The following NRG3 variants were observed in gnomAD, a reference collection of about 807,000 sequenced individuals.
NRG3 encodes the protein pro-neuregulin-3, membrane-bound isoform.
NRG3 carries 31 observed loss-of-function variants against 66.9 expected under a neutral mutation model. The ratio of observed to expected loss-of-function variants is 0.46; its 90% CI spans 0.35 to 0.63. The LOEUF is 0.63. Ranked by LOEUF, NRG3 falls within the 20% of genes least tolerant of loss-of-function variation. The pLI is 0.00. For synonymous variants in NRG3, 393 were observed against 359.4 expected, an observed-to-expected ratio of 1.09 and a Z score of -1.06; for missense variants, 910 against 878.9, an observed-to-expected ratio of 1.04 and a Z score of -0.45.
chr10:82,405,454 G>C, intron 2 of NRG3, among the ~76,000 whole-genome samples: 1 of 139,956 alleles, frequency 7.1e-6, no homozygotes, highest in South Asian at 2.1e-4. Flanking sequence ...GATCTCAGTA[G>C]TTTGTTTTTT....
chr10:82,392,893 TA>T (rs2086474965), intron 2 of NRG3, among the ~76,000 whole-genome samples: 1 of 108,578 alleles, frequency 9.2e-6, no homozygotes, highest in African/African-American at 6.1e-5. Flanking sequence ...TATATATATA[TA>T]TATATTTTTT....
At chr10:82,153,883 G>A (rs1157387436) in intron 1 of NRG3, among the ~76,000 whole-genome samples, 2 of 151,334 alleles carry the variant, frequency 1.3e-5, no homozygotes, top group Non-Finnish European at 3.0e-5. Context: ...TATCTATTCA[G>A]GATCTTTATT....
chr10:82,442,057 G>T (rs1590145461), intron 2 of NRG3, among the ~76,000 whole-genome samples: 1 of 152,184 alleles, frequency 6.6e-6, no homozygotes, highest in East Asian at 1.9e-4. Context: ...ATGATGCCTT[G>T]TTGTTAGAGT....
intron 3 of NRG3, among the ~76,000 whole-genome samples, chr10:82,856,023 CT>C (rs1190283248): frequency 2.0e-5 from 3 of 151,962 alleles, no homozygotes; most frequent in Non-Finnish European, 4.4e-5. Context: ...TTGGAATGTA[CT>C]TTGATTTGGG....
At chr10:81,908,877 AGAT>A (rs1415818367) in intron 1 of NRG3, among the ~76,000 whole-genome samples, 1 of 152,188 alleles carries the variant, frequency 6.6e-6, no homozygotes, top group African/African-American at 2.4e-5. Flanking sequence ...TTACCAGTAA[AGAT>A]GATGATGAGA....
intron 1 of NRG3, among the ~76,000 whole-genome samples, chr10:82,312,116 T>G (rs1225269586): frequency 1.3e-5 from 2 of 152,138 alleles, no homozygotes; most frequent in Non-Finnish European, 2.9e-5. Context: ...TCTTTTAGAG[T>G]GATTTTCTTC....
At chr10:82,652,010 C>A (rs2051454711) in intron 2 of NRG3, among the ~76,000 whole-genome samples, 1 of 152,174 alleles carries the variant, frequency 6.6e-6, no homozygotes, top group Non-Finnish European at 1.5e-5. Flanking sequence ...GAGGCAGGAA[C>A]TGGAGTGCAG....
chr10:82,006,619 G>A (rs1199038863), intron 1 of NRG3, among the ~76,000 whole-genome samples: 2 of 151,810 alleles, frequency 1.3e-5, no homozygotes, highest in Non-Finnish European at 2.9e-5. Context: ...GTTTTTGTTT[G>A]TAGATAAGGA....
At chr10:82,251,961 C>T (rs530039762) in intron 1 of NRG3, among the ~76,000 whole-genome samples, 2 of 152,184 alleles carry the variant, frequency 1.3e-5, no homozygotes, top group Middle Eastern at 3.4e-3. Context: ...CCCTCCCCAC[C>T]ACACTGCCCA....
intron 3 of NRG3, among the ~76,000 whole-genome samples, chr10:82,860,846 T>A (rs1452681347): frequency 6.6e-6 from 1 of 152,190 alleles, no homozygotes; most frequent in Non-Finnish European, 1.5e-5. Context: ...GTTTGCTGAG[T>A]GAATGAATGA....
In NRG3 at chr10:82,986,750, A is replaced by G. The variant is rs1427616926; in HGVS notation, c.*1145A>G. 1 of 152,188 alleles carries G rather than the reference A, an allele frequency of 6.6e-6. No individual in the cohort carries two copies. The highest frequency in any genetic ancestry group is 2.4e-5 in the African/African-American group (1 of 41,446). 9.4% of individuals were successfully genotyped at this position (152,188 alleles called of 1,614,324 possible). On this transcript the variant is annotated 3_prime_UTR_variant, in exon 9 of 9. Coordinates refer to ENST00000372141, the MANE Select transcript of NRG3 (RefSeq NM_001010848.4). ...CATCAAGGATGTGTGTTTATTTTGA[A>G]TCATGCCTACTTAAATTATTAATAC...
chr10:82,275,496 CA>C (rs1343403908), intron 1 of NRG3, among the ~76,000 whole-genome samples: 4 of 151,892 alleles, frequency 2.6e-5, no homozygotes, highest in African/African-American at 9.7e-5. Context: ...TATTTCAAAG[CA>C]AAAGGCCAGT....
intron 4 of NRG3, among the ~76,000 whole-genome samples, chr10:82,892,966 G>A (rs2483299): frequency 0.51 from 77,242 of 151,776 alleles, 20,334 homozygotes; most frequent in East Asian, 0.66. Flanking sequence ...GTATATTCCT[G>A]TAACTATGAA....
At chr10:81,889,628 T>C (rs1168081033) in intron 1 of NRG3, 1 of 152,218 alleles carries the variant, frequency 6.6e-6, no homozygotes, top group East Asian at 1.9e-4. Flanking sequence ...TTAGTATTAA[T>C]AGCCAATGGC....
At chr10:82,497,309 A>G (rs1014031072) in intron 2 of NRG3, among the ~76,000 whole-genome samples, 2 of 152,214 alleles carry the variant, frequency 1.3e-5, no homozygotes, top group African/African-American at 4.8e-5. Context: ...GTATTTCACC[A>G]TGATTAACAT....
chr10:82,016,646 G>A (rs1445349860), intron 1 of NRG3, among the ~76,000 whole-genome samples: 1 of 152,090 alleles, frequency 6.6e-6, no homozygotes, highest in Non-Finnish European at 1.5e-5. Flanking sequence ...AAAAATTACA[G>A]GGAGAGAAAC....
chr10:82,610,762 A>C (rs2048263021), intron 2 of NRG3, among the ~76,000 whole-genome samples: 1 of 152,172 alleles, frequency 6.6e-6, no homozygotes, highest in South Asian at 2.1e-4. Flanking sequence ...TCATTCCAGG[A>C]GTTATGTATG....
chr10:82,428,657 G>A (rs7476459), intron 2 of NRG3, among the ~76,000 whole-genome samples: 65,827 of 151,724 alleles, frequency 0.43, 18,355 homozygotes, highest in African/African-American at 0.79. Flanking sequence ...ATAATGTTCT[G>A]TGTGAACTGG....
intron 2 of NRG3, among the ~76,000 whole-genome samples, chr10:82,665,177 G>A (rs1420022817): frequency 1.3e-5 from 2 of 152,108 alleles, no homozygotes; most frequent in African/African-American, 4.8e-5. Context: ...CTTCAGAGAA[G>A]GCTGATTTCT....
Sources: allele counts gnomAD v4.1 joint callset (sites outside exome capture counted in the v4.1 genomes callset), GRCh38; gene constraint gnomAD v4.1.1; transcripts MANE v1.5; gene names NCBI Gene and HGNC (gene_info 2026-07-23, HGNC 2026-07-21).